The following TMEM17 variants were observed in gnomAD, a reference collection of about 807,000 sequenced individuals.
The protein encoded by TMEM17 is transmembrane protein 17.
TMEM17 carries 15 observed loss-of-function variants against 19.1 expected under a neutral mutation model. The observed-to-expected ratio is 0.78, with a 90% CI of 0.52 to 1.21. The LOEUF (loss-of-function observed/expected upper bound fraction) is 1.21, where lower values mean the gene tolerates loss of function less well. Ranked by LOEUF, TMEM17 falls within the 50% of genes most tolerant of loss-of-function variation. TMEM17 has a pLI of 0.00. For synonymous variants in TMEM17, 103 were observed against 86.9 expected, an observed-to-expected ratio of 1.19 and a Z score of -1.03; for missense variants, 245 against 242.3, an observed-to-expected ratio of 1.01 and a Z score of -0.07.
chr2:62,496,782 C>G (rs1276065639), downstream of TMEM17, among the ~76,000 whole-genome samples: 2 of 152,154 alleles, frequency 1.3e-5, no homozygotes, highest in Admixed American at 1.3e-4. Context: ...TAGATTATTT[C>G]AGATAGAGCT....
chr2:62,460,366 C>T, the TMEM17 span, among the ~76,000 whole-genome samples: 6 of 152,186 alleles, frequency 3.9e-5, no homozygotes, highest in African/African-American at 9.7e-5. Flanking sequence ...CCCACCCAAG[C>T]GTGGCTGCTG....
chr2:62,482,916 T>A, the TMEM17 span, among the ~76,000 whole-genome samples: 1 of 152,188 alleles, frequency 6.6e-6, no homozygotes, highest in South Asian at 2.1e-4. Flanking sequence ...ATAAACAAAT[T>A]GGTATCAGAA....
chr2:62,472,314 A>G, the TMEM17 span, among the ~76,000 whole-genome samples: 1 of 152,218 alleles, frequency 6.6e-6, no homozygotes, highest in South Asian at 2.1e-4. Context: ...GAAGAACCAT[A>G]GCAGAGTCTT....
the TMEM17 span, among the ~76,000 whole-genome samples, chr2:62,457,052 C>T: frequency 6.6e-6 from 1 of 152,224 alleles, no homozygotes; most frequent in Admixed American, 6.5e-5. The surrounding 1 kb of genome is among the most constrained non-coding windows in gnomAD (Gnocchi z 4.2). Flanking sequence ...GGCACCGCTT[C>T]CCGGTCCCGG....
At chr2:62,495,119 A>T in the TMEM17 span, among the ~76,000 whole-genome samples, 62 of 152,250 alleles carry the variant, frequency 4.1e-4, 1 homozygote, top group African/African-American at 1.5e-3. Flanking sequence ...TTACTAGATT[A>T]AAAAGCTCTT....
At chr2:62,455,046 A>T in the TMEM17 span, among the ~76,000 whole-genome samples, 1 of 152,286 alleles carries the variant, frequency 6.6e-6, no homozygotes, top group African/African-American at 2.4e-5. Context: ...ATATCATAAA[A>T]TTCATTTTGA....
intron 1 of TMEM17, among the ~76,000 whole-genome samples, chr2:62,505,081 A>G (rs1680028123): frequency 6.6e-6 from 1 of 152,192 alleles, no homozygotes; most frequent in Non-Finnish European, 1.5e-5. Flanking sequence ...CATTTGGGAA[A>G]TAGGCAAGTG....
intron 1 of TMEM17, among the ~76,000 whole-genome samples, 179 bp downstream of exon 1, chr2:62,505,851 C>T (rs1006762165): frequency 1.3e-5 from 2 of 152,246 alleles, no homozygotes; most frequent in African/African-American, 2.4e-5. Context: ...GGGCGGGAGG[C>T]CGCCAGCGCC....
rs1432251871 is a variant in TMEM17, at chr2:62,500,579, G to A, written c.*630C>T. ...TCCTGCCTCAGCCTCCCAAGTAGCT[G>A]GGACTACAGGTGCCTGCAACCACGC... On this transcript the variant is annotated 3_prime_UTR_variant, in exon 4 of 4. Transcript: ENST00000335390. 6.6e-6 allele frequency: 1 copy of A among 152,116 alleles called. No homozygotes were observed. Among genetic ancestry groups the A allele is most frequent in the East Asian group, 1.9e-4 (1 of 5,188 alleles). The allele number at this position is 152,116 out of a possible 1,614,324, so 9.4% of individuals were successfully genotyped here.
rs1480050124 is a variant in TMEM17, at chr2:62,506,032, G to A, written c.98C>T (p.Pro33Leu). 25 of 1,609,030 alleles carry A rather than the reference G, an allele frequency of 1.6e-5. No individual in the cohort carries two copies. The highest frequency in any genetic ancestry group is 2.1e-5 in the Non-Finnish European group (25 of 1,177,932). The stretch of plus-strand genomic sequence containing the variant: ...TGCACCGGGCCTCGGTCACTCACCC[G>A]GACCCTCATTGGACTCTGGACCGGT... ...NRTGPESNEG[P>L]ENEMVSSLAL... The change falls in exon 1 of 4, where the codon CCG becomes CTG. Residue 33 changes from proline to leucine, a missense_variant and splice_region_variant. By Grantham distance (98) the Pro-to-Leu change is moderately conservative. Coordinates refer to ENST00000335390, the MANE Select transcript of TMEM17 (RefSeq NM_198276.3).
the TMEM17 span, among the ~76,000 whole-genome samples, chr2:62,489,646 T>C: frequency 0.12 from 18,481 of 152,224 alleles, 1,213 homozygotes; most frequent in East Asian, 0.15. Context: ...GCTTGGGAGC[T>C]GTTTTTATAA....
the TMEM17 span, among the ~76,000 whole-genome samples, chr2:62,457,528 G>A: frequency 1.3e-5 from 2 of 151,672 alleles, no homozygotes; most frequent in Admixed American, 1.3e-4. This position sits in a 1 kb window ranked among gnomAD's most constrained non-coding sequence, Gnocchi z 4.2. Context: ...CCCGATACCA[G>A]TGAACTTCTA....
the TMEM17 span, among the ~76,000 whole-genome samples, chr2:62,455,660 G>T: frequency 6.6e-6 from 1 of 152,120 alleles, no homozygotes; most frequent in East Asian, 1.9e-4. Context: ...CCAGCTACTC[G>T]GGAGGCTGAG....
chr2:62,482,055 A>T, the TMEM17 span, among the ~76,000 whole-genome samples: 1 of 152,212 alleles, frequency 6.6e-6, no homozygotes, highest in East Asian at 1.9e-4. Flanking sequence ...GGAAGGTAGA[A>T]CTGCTGTAGA....
chr2:62,483,804 T>C, the TMEM17 span, among the ~76,000 whole-genome samples: 79 of 152,140 alleles, frequency 5.2e-4, 1 homozygote, highest in Non-Finnish European at 5.4e-4. Context: ...TTTCACCACG[T>C]TGGCCAGGCT....
chr2:62,466,843 C>T, the TMEM17 span, among the ~76,000 whole-genome samples: 1 of 152,206 alleles, frequency 6.6e-6, no homozygotes. Context: ...GGTGGCTCAA[C>T]TGCTCAGCTG....
the TMEM17 span, among the ~76,000 whole-genome samples, chr2:62,454,049 G>A: frequency 1.3e-5 from 2 of 152,230 alleles, no homozygotes; most frequent in Non-Finnish European, 2.9e-5. Flanking sequence ...TTAAAGGAAA[G>A]CTTCAGGATG....
At chr2:62,471,797 C>T in the TMEM17 span, among the ~76,000 whole-genome samples, 1 of 152,252 alleles carries the variant, frequency 6.6e-6, no homozygotes, top group Non-Finnish European at 1.5e-5. Context: ...TGGCTGTGGG[C>T]TGGTGTGCCT....
chr2:62,482,998 G>C, the TMEM17 span, among the ~76,000 whole-genome samples: 1 of 152,260 alleles, frequency 6.6e-6, no homozygotes, highest in Admixed American at 6.5e-5. Context: ...GGTTTTCCAA[G>C]TACATAAACC....
Sources: allele counts gnomAD v4.1 joint callset (sites outside exome capture counted in the v4.1 genomes callset), GRCh38; gene constraint gnomAD v4.1.1; non-coding constraint Gnocchi (gnomAD v3.1); transcripts MANE v1.5; gene names NCBI Gene and HGNC (gene_info 2026-07-23, HGNC 2026-07-21).